The following NRF1 variants were observed in gnomAD, a reference collection of about 807,000 sequenced individuals.
NRF1 encodes nuclear respiratory factor 1.
NRF1 carries 5 observed loss-of-function variants against 58.5 expected under a neutral mutation model. That is an observed-to-expected ratio of 0.09 (90% CI 0.04 to 0.18). The LOEUF (loss-of-function observed/expected upper bound fraction) is 0.18. Ranked by LOEUF, NRF1 falls within the 10% of genes least tolerant of loss-of-function variation. The pLI is 1.00. For missense variants in NRF1, 288 were observed against 657.7 expected, an observed-to-expected ratio of 0.44 and a Z score of 6.15; for synonymous variants, 224 against 246.7, an observed-to-expected ratio of 0.91 and a Z score of 0.86.
chr7:129,727,410 C>T (rs770488889), intron 10 of NRF1, 45 bp downstream of exon 10: 47 of 1,549,212 alleles, frequency 3.0e-5, no homozygotes, highest in Non-Finnish European at 3.9e-5. Context: ...CCTGTTTCCA[C>T]TTAAACCTTC....
At chr7:129,682,496 A>T (rs773589090) in intron 4 of NRF1, among the ~76,000 whole-genome samples, 3 of 151,904 alleles carry the variant, frequency 2.0e-5, no homozygotes, top group Non-Finnish European at 4.4e-5. Flanking sequence ...CCCCGCAATG[A>T]TAGTAAGAGG....
chr7:129,647,268 G>A (rs1027665508), intron 1 of NRF1, among the ~76,000 whole-genome samples: 11 of 152,070 alleles, frequency 7.2e-5, no homozygotes, highest in African/African-American at 2.4e-4. Flanking sequence ...CAGACCTCGC[G>A]ATCTGCCCGC....
chr7:129,633,755 G>A (rs1801101351), intron 1 of NRF1: 1 of 151,476 alleles, frequency 6.6e-6, no homozygotes, highest in South Asian at 2.1e-4. Context: ...GATGTATTCA[G>A]CACTAGATAA....
chr7:129,658,993 C>T (rs1562962236), intron 2 of NRF1, among the ~76,000 whole-genome samples: 1 of 150,680 alleles, frequency 6.6e-6, no homozygotes, highest in Non-Finnish European at 1.5e-5. Flanking sequence ...ATATCAGGGA[C>T]TTGAGCATCT....
chr7:129,753,262 C>G (rs530324955), intron 10 of NRF1, among the ~76,000 whole-genome samples: 1 of 152,296 alleles, frequency 6.6e-6, no homozygotes, highest in Admixed American at 6.5e-5. Flanking sequence ...TTTCTCAATA[C>G]AGTGGGTGAA....
At chr7:129,649,353 A>G (rs1409295977) in intron 1 of NRF1, among the ~76,000 whole-genome samples, 1 of 152,182 alleles carries the variant, frequency 6.6e-6, no homozygotes, top group Non-Finnish European at 1.5e-5. Context: ...GCTAGGTGTC[A>G]GATTTTCCCT....
At chr7:129,751,427 C>T (rs1402392803) in intron 10 of NRF1, among the ~76,000 whole-genome samples, 1 of 152,188 alleles carries the variant, frequency 6.6e-6, no homozygotes, top group Non-Finnish European at 1.5e-5. Context: ...TAGATTTTTG[C>T]ATTAGAACCT....
At chr7:129,635,319 T>G (rs1801145104) in intron 1 of NRF1, among the ~76,000 whole-genome samples, 1 of 152,282 alleles carries the variant, frequency 6.6e-6, no homozygotes, top group South Asian at 2.1e-4. Flanking sequence ...AGAGTTTTGG[T>G]TTTTTTCCTA....
intron 10 of NRF1, among the ~76,000 whole-genome samples, chr7:129,750,676 G>A (rs1467357400): frequency 6.6e-6 from 1 of 152,226 alleles, no homozygotes; most frequent in African/African-American, 2.4e-5. Flanking sequence ...TGGGAGCTTT[G>A]GGTGGGGACC....
chr7:129,645,307 G>A (rs1801380776), intron 1 of NRF1, among the ~76,000 whole-genome samples: 1 of 152,210 alleles, frequency 6.6e-6, no homozygotes. Context: ...GTAAGTGGCA[G>A]AGCAAGAAAT....
At chr7:129,682,177 T>C (rs1802329750) in intron 4 of NRF1, among the ~76,000 whole-genome samples, 1 of 148,768 alleles carries the variant, frequency 6.7e-6, no homozygotes, top group South Asian at 2.1e-4. Flanking sequence ...AAACCCACCA[T>C]GGGGGGGCAT....
intron 10 of NRF1, among the ~76,000 whole-genome samples, chr7:129,742,511 C>G (rs1803872822): frequency 6.6e-6 from 1 of 152,138 alleles, no homozygotes; most frequent in South Asian, 2.1e-4. Context: ...CTGCATTGCT[C>G]TCACATGCTG....
At chr7:129,614,708 T>C (rs1273529200) in intron 1 of NRF1, among the ~76,000 whole-genome samples, 2 of 152,140 alleles carry the variant, frequency 1.3e-5, no homozygotes, top group Non-Finnish European at 2.9e-5. Flanking sequence ...TGTCCAGATA[T>C]AGAAGGTTTA....
intron 8 of NRF1, among the ~76,000 whole-genome samples, chr7:129,712,636 A>G (rs1471881033): frequency 6.6e-6 from 1 of 152,190 alleles, no homozygotes. Context: ...ATGGGACTCC[A>G]GTCTAGTGGG....
At chr7:129,688,298 TG>T (rs1205175566) in intron 4 of NRF1, among the ~76,000 whole-genome samples, 2 of 152,080 alleles carry the variant, frequency 1.3e-5, no homozygotes, top group Non-Finnish European at 2.9e-5. Context: ...GGCTAATTTT[TG>T]TATTTTTAGT....
At chr7:129,622,862 G>A (rs1019912922) in intron 1 of NRF1, among the ~76,000 whole-genome samples, 1 of 152,108 alleles carries the variant, frequency 6.6e-6, no homozygotes. Context: ...GAGCCACTGC[G>A]ACCAGCTGGT....
intron 2 of NRF1, among the ~76,000 whole-genome samples, chr7:129,660,025 G>C (rs986801210): frequency 6.6e-6 from 1 of 152,182 alleles, no homozygotes; most frequent in African/African-American, 2.4e-5. Flanking sequence ...TCACAATCAT[G>C]GTGGAAGGCA....
chr7:129,651,286 G>A (rs1380067208), intron 1 of NRF1, among the ~76,000 whole-genome samples: 2 of 152,078 alleles, frequency 1.3e-5, no homozygotes, highest in Non-Finnish European at 2.9e-5. Context: ...GCTGGGCTTG[G>A]TGGTGCACTT....
chr7:129,721,774 C>G (rs1040647234), intron 9 of NRF1, among the ~76,000 whole-genome samples: 2 of 152,046 alleles, frequency 1.3e-5, no homozygotes, highest in Non-Finnish European at 2.9e-5. Flanking sequence ...AGCCACCAGG[C>G]CTGGCTGCTC....
Sources: gnomAD v4.1 joint callset for allele counts (sites outside exome capture counted in the v4.1 genomes callset) on GRCh38, gnomAD v4.1.1 for gene constraint, MANE v1.5 for transcripts, NCBI Gene and HGNC (gene_info 2026-07-23, HGNC 2026-07-21) for gene names.